KANSL3: variants seen among roughly 807,000 people sequenced by gnomAD.
KANSL3 encodes NSL complex protein NSL3.
In KANSL3, 16 loss-of-function variants were observed where a neutral mutation model predicts 89.2. The observed-to-expected ratio is 0.18, with a 90% CI of 0.12 to 0.27. KANSL3 has a LOEUF of 0.27. Among genes scored for constraint, KANSL3 ranks in the 10% least tolerant of loss-of-function variants. The pLI, the probability that KANSL3 is intolerant of heterozygous loss-of-function variation, is 1.00. For synonymous variants in KANSL3, 385 were observed against 419.7 expected (o/e 0.92, Z 1.01); for missense variants, 879 against 1,110.6 (o/e 0.79, Z 2.96).
intron 3 of KANSL3, among the ~76,000 whole-genome samples, chr2:96,625,962 C>T (rs775259168): frequency 6.6e-6 from 1 of 152,090 alleles, no homozygotes; most frequent in Non-Finnish European, 1.5e-5. Flanking sequence ...GCACTCCCCA[C>T]CCCGTGCCCC....
intron 3 of KANSL3, among the ~76,000 whole-genome samples, chr2:96,624,190 C>A (rs2071862298): frequency 6.6e-6 from 1 of 152,212 alleles, no homozygotes; most frequent in Admixed American, 6.5e-5. Context: ...TCCAGCCCCA[C>A]TGGTTCATTA....
chr2:96,628,199 T>C, intron 3 of KANSL3: 1 of 1,265,584 alleles, frequency 7.9e-7, no homozygotes, highest in South Asian at 1.3e-5. Flanking sequence ...GAAAGATGTG[T>C]ACATCCAGCT....
At chr2:96,609,436 C>G in intron 12 of KANSL3, 63 bp downstream of exon 12, 1 of 1,496,594 alleles carries the variant, frequency 6.7e-7, no homozygotes, top group Non-Finnish European at 9.3e-7. Context: ...CCAATAAGAC[C>G]AAACCTAAAA....
At chr2:96,635,993 CAAA>C (rs112029647) in intron 2 of KANSL3, among the ~76,000 whole-genome samples, 1 of 131,596 alleles carries the variant, frequency 7.6e-6, no homozygotes, top group Non-Finnish European at 1.6e-5. Context: ...GACTCCATCT[CAAA>C]AAAAAAAAAA....
chr2:96,591,709 G>A (rs1490154474), downstream of KANSL3, among the ~76,000 whole-genome samples: 1 of 152,192 alleles, frequency 6.6e-6, no homozygotes, highest in African/African-American at 2.4e-5. Context: ...CAACCCACAA[G>A]TGAGAGTGAG....
chr2:96,584,676 ATC>A, the KANSL3 span, among the ~76,000 whole-genome samples: 1 of 152,196 alleles, frequency 6.6e-6, no homozygotes, highest in Admixed American at 6.5e-5. Context: ...CTCCAAGTTC[ATC>A]CATGTTGCTG....
intron 14 of KANSL3, chr2:96,606,424 G>T (rs1573358487): frequency 6.5e-6 from 1 of 152,674 alleles, no homozygotes; most frequent in Non-Finnish European, 1.5e-5. Context: ...GGGAAGCAAA[G>T]ACTGGTGTGG....
downstream of KANSL3, among the ~76,000 whole-genome samples, chr2:96,588,326 A>G (rs778372369): frequency 1.2e-4 from 19 of 152,256 alleles, no homozygotes; most frequent in Non-Finnish European, 2.4e-4. Flanking sequence ...ACAAGAAAGC[A>G]GAATTTTCCA....
At chr2:96,608,462 C>G in intron 14 of KANSL3, 46 bp downstream of exon 14, 2 of 1,603,168 alleles carry the variant, frequency 1.2e-6, no homozygotes, top group Non-Finnish European at 1.7e-6. Context: ...GTGACATGAA[C>G]TACAGAAGAC....
chr2:96,629,337 T>C (rs1371327431), intron 3 of KANSL3, among the ~76,000 whole-genome samples: 1 of 152,234 alleles, frequency 6.6e-6, no homozygotes, highest in African/African-American at 2.4e-5. Context: ...TTTTTCTTTT[T>C]TTGAGATGGT....
intron 14 of KANSL3, among the ~76,000 whole-genome samples, chr2:96,607,845 T>C (rs2068242614): frequency 6.6e-6 from 1 of 152,184 alleles, no homozygotes; most frequent in African/African-American, 2.4e-5. Flanking sequence ...GACATGCTCC[T>C]GGACACATCG....
downstream of KANSL3, among the ~76,000 whole-genome samples, chr2:96,588,382 A>G (rs1435701998): frequency 6.6e-6 from 1 of 152,240 alleles, no homozygotes; most frequent in Non-Finnish European, 1.5e-5. Flanking sequence ...TTATCTAGCA[A>G]AACTATCCTT....
chr2:96,626,936 T>A (rs1006576783), intron 3 of KANSL3, among the ~76,000 whole-genome samples: 1 of 152,204 alleles, frequency 6.6e-6, no homozygotes, highest in Non-Finnish European at 1.5e-5. Flanking sequence ...CCATGGATAA[T>A]ACCTAATGAA....
chr2:96,605,106 C>T (rs1006875686), intron 15 of KANSL3, among the ~76,000 whole-genome samples: 6 of 152,158 alleles, frequency 3.9e-5, no homozygotes, highest in Non-Finnish European at 7.3e-5. Flanking sequence ...ATGCTTTGAA[C>T]GATGGCACAG....
rs116798525 is a variant in KANSL3, at chr2:96,604,271, A to C, written c.2128T>G (p.Ser710Ala). 8.1e-3 allele frequency: 13,111 copies of C among 1,609,264 alleles called. 105 individuals are homozygous for C. The highest frequency in any genetic ancestry group is 0.015 in the Middle Eastern group (93 of 6,042). ...HTLQSRLVAT[S>A]PGSSLPGATS... ...ATACCTGGGAGGGAGCTGCCAGGAG[A>C]TGTGGCCACCAGGCGGCTCTGCAGT... Residue 710 changes from serine to alanine, a missense_variant, in exon 17 of 21, where the codon TCT (serine) becomes GCT (alanine). Transcript: ENST00000431828.
intron 5 of KANSL3, among the ~76,000 whole-genome samples, chr2:96,619,094 C>T (rs1404283277): frequency 6.6e-6 from 1 of 152,212 alleles, no homozygotes; most frequent in Non-Finnish European, 1.5e-5. Context: ...ATGACTCAAA[C>T]CACAAGCTGC....
chr2:96,612,233 G>C, intron 9 of KANSL3, 49 bp downstream of exon 9: 2 of 1,270,332 alleles, frequency 1.6e-6, no homozygotes, highest in East Asian at 2.3e-5. Context: ...GCTATGATTA[G>C]TGGTATTCCA....
At chr2:96,607,462 A>G (rs1327649030) in intron 14 of KANSL3, among the ~76,000 whole-genome samples, 3 of 152,120 alleles carry the variant, frequency 2.0e-5, no homozygotes, top group Non-Finnish European at 4.4e-5. Context: ...TTCTCAACTA[A>G]TCACCCTCTG....
At chr2:96,621,199 A>G (rs1325524991) in intron 3 of KANSL3, among the ~76,000 whole-genome samples, 1 of 152,116 alleles carries the variant, frequency 6.6e-6, no homozygotes, top group Non-Finnish European at 1.5e-5. Context: ...AAAAGAAGAC[A>G]TAAAAGGAAG....
Sources: allele counts gnomAD v4.1 joint callset (sites outside exome capture counted in the v4.1 genomes callset), GRCh38; gene constraint gnomAD v4.1.1; transcripts MANE v1.5; gene names NCBI Gene and HGNC (gene_info 2026-07-23, HGNC 2026-07-21).